Variants in LARGE1 observed in about 807,000 individuals in gnomAD.
The protein encoded by LARGE1 is xylosyl- and glucuronyltransferase LARGE1.
A neutral mutation model predicts 87.6 loss-of-function variants in LARGE1; 43 were observed. That is an observed-to-expected ratio of 0.49 (90% CI 0.38 to 0.63). The LOEUF (loss-of-function observed/expected upper bound fraction) is 0.63, where lower values mean the gene tolerates loss of function less well. LARGE1 is among the 30% of genes least tolerant of loss of function. The pLI, the probability that LARGE1 is intolerant of heterozygous loss-of-function variation, is 0.00. For synonymous variants in LARGE1, 434 were observed against 394.6 expected (o/e 1.10, Z -1.18); for missense variants, 802 against 1,000.2 (o/e 0.80, Z 2.67).
At chr22:33,524,852 G>A (rs1216268744) in intron 6 of LARGE1, among the ~76,000 whole-genome samples, 1 of 152,002 alleles carries the variant, frequency 6.6e-6, no homozygotes, top group East Asian at 1.9e-4. Flanking sequence ...TGCAAAGAAG[G>A]TCCTTTCTGT....
intron 2 of LARGE1, among the ~76,000 whole-genome samples, chr22:33,746,699 C>T (rs2084098988): frequency 6.6e-6 from 1 of 152,154 alleles, no homozygotes; most frequent in Admixed American, 6.5e-5. Context: ...ATATATTTGC[C>T]AGGCACTTGG....
At chr22:33,253,850 G>T (rs974149332) in intron 11 of LARGE1, among the ~76,000 whole-genome samples, 13 of 151,906 alleles carry the variant, frequency 8.6e-5, no homozygotes, top group Admixed American at 5.2e-4. Context: ...ATGCCCAGGG[G>T]ATGGTGGGTA....
chr22:33,324,228 C>CAAAAAAAAAAAAAAAAAA (rs1161508287), intron 10 of LARGE1, among the ~76,000 whole-genome samples: 1 of 10,740 alleles, frequency 9.3e-5, no homozygotes, highest in Non-Finnish European at 1.6e-4. Context: ...GACTCCATCT[C>CAAAAAAAAAAAAAAAAAA]AAAAAAAAAA....
the LARGE1 span, among the ~76,000 whole-genome samples, chr22:33,120,362 CTT>C: frequency 2.9e-4 from 24 of 83,034 alleles, no homozygotes; most frequent in African/African-American, 1.1e-3. Context: ...CTTTCTTTTT[CTT>C]TCTTTCTTTC....
intron 11 of LARGE1, among the ~76,000 whole-genome samples, chr22:33,262,025 G>A (rs1051217436): frequency 2.6e-5 from 4 of 152,224 alleles, no homozygotes; most frequent in African/African-American, 4.8e-5. Context: ...TCTAGCAAAC[G>A]ATGCCATGTA....
chr22:33,823,616 G>C (rs566966582), intron 1 of LARGE1, among the ~76,000 whole-genome samples: 1 of 152,086 alleles, frequency 6.6e-6, no homozygotes, highest in Non-Finnish European at 1.5e-5. Context: ...CTTGCCCTCC[G>C]CATCTGAGGA....
At chr22:33,687,164 T>C (rs1312326687) in intron 2 of LARGE1, among the ~76,000 whole-genome samples, 2 of 151,716 alleles carry the variant, frequency 1.3e-5, no homozygotes, top group African/African-American at 4.8e-5. Flanking sequence ...TTTTTTTTTT[T>C]TTTTTTGTTT....
intron 11 of LARGE1, among the ~76,000 whole-genome samples, chr22:33,241,782 A>T (rs1439528642): frequency 6.6e-6 from 1 of 152,042 alleles, no homozygotes; most frequent in Non-Finnish European, 1.5e-5. Flanking sequence ...ACATGTTCTC[A>T]CTCACAAAAT....
intron 11 of LARGE1, among the ~76,000 whole-genome samples, chr22:33,221,943 G>A (rs116910985): frequency 0.028 from 4,296 of 152,246 alleles, 80 homozygotes; most frequent in Non-Finnish European, 0.04. Flanking sequence ...ATCTATGGGC[G>A]GGCTACATAT....
In LARGE1 at chr22:33,483,199, A is replaced by G. The variant is rs537651925; in HGVS notation, c.788-50934T>C. ...TGAGTGACAGCACTAAGGGTTACAT[A>G]GCATCATCCGGAGGCTCGGCAGACA... On this transcript the variant is annotated intron_variant, in intron 6 of 14. Coordinates refer to ENST00000397394, the MANE Select transcript of LARGE1 (RefSeq NM_133642.5). Among the ~76,000 whole-genome samples, 454 of 152,266 alleles carry G rather than the reference A, an allele frequency of 3.0e-3. 3 individuals carry two copies. The highest frequency in any genetic ancestry group is 0.02 in the South Asian group (98 of 4,810).
intron 1 of LARGE1, among the ~76,000 whole-genome samples, chr22:33,876,137 G>A: frequency 6.6e-6 from 1 of 152,190 alleles, no homozygotes; most frequent in Non-Finnish European, 1.5e-5. Flanking sequence ...ATGAGACCCA[G>A]CAGTTGGGTG....
At chr22:33,904,808 T>A (rs748106435) in intron 1 of LARGE1, among the ~76,000 whole-genome samples, 4 of 152,190 alleles carry the variant, frequency 2.6e-5, no homozygotes, top group Non-Finnish European at 5.9e-5. Context: ...CATGACTAGC[T>A]ACATGTGTAA....
chr22:33,761,572 C>A lies in LARGE1; in HGVS notation c.-82-14G>T. 1 of 959,768 alleles carries A rather than the reference C, an allele frequency of 1.0e-6. No individual in the cohort carries two copies. Among genetic ancestry groups the A allele is most frequent in the Non-Finnish European group, 1.7e-6 (1 of 596,462 alleles). 59.5% of individuals were successfully genotyped at this position (959,768 alleles called of 1,614,324 possible). ...TCATAATACTCTCTGAAAGGAAGAGCAAAGAGGAAGGCCTGAGTTCTTAGC... is the reference window on the plus strand; with the variant it reads ...TCATAATACTCTCTGAAAGGAAGAGAAAAGAGGAAGGCCTGAGTTCTTAGC... On this transcript the variant is annotated splice_polypyrimidine_tract_variant and intron_variant, in intron 1 of 14. Coordinates refer to ENST00000397394, the MANE Select transcript of LARGE1 (RefSeq NM_133642.5).
intron 1 of LARGE1, among the ~76,000 whole-genome samples, chr22:33,798,589 C>T (rs1289850385): frequency 4.6e-5 from 7 of 152,144 alleles, no homozygotes; most frequent in African/African-American, 1.7e-4. Context: ...TTTTTCGCAA[C>T]AGGAGTGTTC....
At chr22:33,880,548 T>C (rs1236310474) in intron 1 of LARGE1, among the ~76,000 whole-genome samples, 2 of 152,182 alleles carry the variant, frequency 1.3e-5, no homozygotes, top group Non-Finnish European at 2.9e-5. Flanking sequence ...GGGTACACTC[T>C]TACCTGATCC....
chr22:33,345,909 G>A (rs937043441), intron 9 of LARGE1, among the ~76,000 whole-genome samples: 2 of 152,184 alleles, frequency 1.3e-5, no homozygotes, highest in Non-Finnish European at 1.5e-5. Flanking sequence ...AGAAATCAGA[G>A]CCTGTGTGCA....
intron 1 of LARGE1, among the ~76,000 whole-genome samples, chr22:33,838,004 A>G (rs919573789): frequency 7.9e-5 from 12 of 152,264 alleles, no homozygotes; most frequent in African/African-American, 2.9e-4. Context: ...TCACTGTAGT[A>G]GGAAAGCAAC....
chr22:33,553,287 C>T (rs2077582246), intron 6 of LARGE1, among the ~76,000 whole-genome samples: 1 of 152,052 alleles, frequency 6.6e-6, no homozygotes, highest in Non-Finnish European at 1.5e-5. Flanking sequence ...GGGAGGATCG[C>T]TTGAGCCCAG....
chr22:33,358,785 G>A (rs1187000973), intron 9 of LARGE1, among the ~76,000 whole-genome samples: 1 of 151,998 alleles, frequency 6.6e-6, no homozygotes, highest in African/African-American at 2.4e-5. Flanking sequence ...AGGAGTTTGA[G>A]ACCACCCTGG....
Sources: allele counts gnomAD v4.1 joint callset (sites outside exome capture counted in the v4.1 genomes callset), GRCh38; gene constraint gnomAD v4.1.1; transcripts MANE v1.5; gene names NCBI Gene and HGNC (gene_info 2026-07-23, HGNC 2026-07-21).